The following MYLK3 variants were observed in gnomAD, a reference collection of about 807,000 sequenced individuals.
MYLK3 encodes the protein myosin light chain kinase 3.
Under a neutral mutation model 76.3 loss-of-function variants are expected in MYLK3, and 55 were observed. That is an observed-to-expected ratio of 0.72 (90% confidence interval 0.58 to 0.90). MYLK3 has a LOEUF of 0.90. Ranked by LOEUF, MYLK3 falls within the 40% of genes least tolerant of loss-of-function variation. The pLI is 0.00. For missense variants in MYLK3, 973 were observed against 1,053.6 expected (o/e 0.92, Z 1.06); for synonymous variants, 416 against 425.4 (o/e 0.98, Z 0.27).
rs975146919 is a variant in MYLK3, at chr16:46,706,222, A to G, written c.*1482T>C. The G allele has an allele frequency of 6.6e-6, 1 of 152,060 alleles. No individual in the cohort carries two copies. The highest frequency in any genetic ancestry group is 1.5e-5 in the Non-Finnish European group (1 of 68,036). The allele number at this position is 152,060 out of a possible 1,614,324, so 9.4% of individuals were successfully genotyped here. A position where few individuals can be genotyped will look rare whatever the true frequency, so the allele number is the denominator to read the frequency against. On this transcript the variant is annotated 3_prime_UTR_variant, in exon 13 of 13. Transcript: ENST00000394809. ...CTATCAATAATATAAACAGTCAGTT[A>G]ATACCCATACACACATATGTGTTCG...
At chr16:46,761,068 A>C (rs892923396) in intron 1 of MYLK3, among the ~76,000 whole-genome samples, 1 of 152,154 alleles carries the variant, frequency 6.6e-6, no homozygotes, top group African/African-American at 2.4e-5. Flanking sequence ...AGAGGGAGGC[A>C]AAAAAATTAG....
upstream of MYLK3, among the ~76,000 whole-genome samples, chr16:46,750,389 G>T (rs1453590363): frequency 1.3e-5 from 2 of 150,836 alleles, no homozygotes; most frequent in South Asian, 4.2e-4. Flanking sequence ...AACCAGGCAA[G>T]TCCTGGGTTA....
intron 12 of MYLK3, among the ~76,000 whole-genome samples, chr16:46,708,349 C>G (rs1269503098): frequency 6.6e-6 from 1 of 152,060 alleles, no homozygotes; most frequent in Admixed American, 6.6e-5. Context: ...AGCAATGGGT[C>G]ATGAAATCAA....
At position 46,727,271 on chromosome 16, in the gene MYLK3, G is replaced by T; in HGVS notation, c.1879C>A (p.Leu627Met). The T allele has an allele frequency of 6.2e-7, 1 of 1,614,122 alleles. No homozygotes were observed. Among genetic ancestry groups the T allele is most frequent in the Middle Eastern group, 1.7e-4 (1 of 6,060 alleles). Residue 627 changes from leucine to methionine, a missense_variant, in exon 8 of 13, where the codon CTG (leucine) becomes ATG (methionine). Leu to Met is a conservative substitution (Grantham distance 15). Around this residue, in one of 2 missense-constraint regions of MYLK3, gnomAD observed 332 missense variants for 416.6 expected, o/e 0.80. Transcript: ENST00000394809. The part of the protein sequence containing the change: ...TRQICEGVHY[L>M]HQHYILHLDL... The stretch of plus-strand genomic sequence containing the variant: ...AGGTGCAGGATGTAGTGCTGGTGCA[G>T]GTAATGCACACCCTCACAGATCTGC...
In MYLK3 at chr16:46,729,533, T is replaced by C. The variant is rs1470574871; in HGVS notation, c.1662+61A>G. On this transcript the variant is annotated intron_variant, in intron 6 of 12. Transcript: ENST00000394809. ...GCTCAGCATGGGAGCCTGGGGGCCC[T>C]GAGGGAAGGAAAGGAATCCTGAGGC... The C allele has an allele frequency of 2.7e-6, 4 of 1,481,310 alleles. No individual in the cohort carries two copies. The African/African-American group carries it at 4.2e-5, about 15-fold the overall frequency. The allele number at this position is 1,481,310 out of a possible 1,614,324, so 91.8% of individuals were successfully genotyped here.
intron 1 of MYLK3, among the ~76,000 whole-genome samples, chr16:46,758,298 ACACACACTCTCTCTCTCTCTCT>A (rs1257930573): frequency 5.3e-5 from 3 of 56,162 alleles, no homozygotes; most frequent in African/African-American, 1.6e-4. Flanking sequence ...ACACACACAC[ACACACACTCTCTCTCTCTCTCT>A]CTCTCTCTCT....
At chr16:46,714,953 A>G (rs1029431290) in intron 9 of MYLK3, among the ~76,000 whole-genome samples, 3 of 152,278 alleles carry the variant, frequency 2.0e-5, no homozygotes, top group Admixed American at 2.0e-4. Context: ...AGCATTTGCA[A>G]TTTCTGTGGT....
chr16:46,720,582 A>G (rs1966789246), intron 9 of MYLK3, among the ~76,000 whole-genome samples: 1 of 152,144 alleles, frequency 6.6e-6, no homozygotes, highest in African/African-American at 2.4e-5. Context: ...GTATTTTCTC[A>G]TTTAACCCTC....
At chr16:46,728,968 C>T in intron 7 of MYLK3, 56 bp downstream of exon 7, 7 of 1,306,550 alleles carry the variant, frequency 5.4e-6, no homozygotes, top group Non-Finnish European at 6.7e-6. Flanking sequence ...AGGCTCTAAG[C>T]CCCAGCACTG....
At position 46,726,985 on chromosome 16, in the gene MYLK3, T is replaced by C. The variant is rs1966844037; in HGVS notation, c.1914+251A>G. ...TTTAAAAAAAGTAATCTTAAAGATA[T>C]TTTTAAAGAAGAAAAGCTCATTGTT... On this transcript the variant is annotated intron_variant, in intron 8 of 12. Coordinates refer to ENST00000394809, the MANE Select transcript of MYLK3 (RefSeq NM_182493.3). 3 of 360,536 alleles carry C rather than the reference T, an allele frequency of 8.3e-6. No homozygotes were observed. The South Asian group carries it at 2.7e-4, about 32-fold the overall frequency. 22.3% of individuals were successfully genotyped at this position (360,536 alleles called of 1,614,324 possible). A position where few individuals can be genotyped will look rare whatever the true frequency, so the allele number is the denominator to read the frequency against.
chr16:46,727,732 G>A (rs1025487607), intron 7 of MYLK3, among the ~76,000 whole-genome samples: 8 of 152,158 alleles, frequency 5.3e-5, no homozygotes, highest in Admixed American at 1.3e-4. Flanking sequence ...TCACCATGTC[G>A]GTCAGCCTTG....
At chr16:46,739,963 C>T (rs1174509896) in intron 2 of MYLK3, 94 bp downstream of exon 2, 17 of 872,350 alleles carry the variant, frequency 1.9e-5, no homozygotes, top group Non-Finnish European at 2.9e-5. Context: ...TTGACAGTTG[C>T]CCAGGAATCA....
At chr16:46,750,649 G>A (rs1967111415), upstream of MYLK3, among the ~76,000 whole-genome samples, 1 of 150,800 alleles carries the variant, frequency 6.6e-6, no homozygotes, top group Non-Finnish European at 1.5e-5. Flanking sequence ...AGCCAAGATT[G>A]CGCCACTGCC....
At chr16:46,721,016 A>G in intron 9 of MYLK3, 107 bp downstream of exon 9, 2 of 974,044 alleles carry the variant, frequency 2.1e-6, no homozygotes, top group South Asian at 1.4e-5. Context: ...GCTTTCTTGC[A>G]TCAGTTCCAA....
chr16:46,740,813 A>G (rs1054376983), intron 1 of MYLK3, among the ~76,000 whole-genome samples: 2 of 152,062 alleles, frequency 1.3e-5, no homozygotes, highest in African/African-American at 2.4e-5. Flanking sequence ...CAGCCTCCCA[A>G]AGTGCTGGGA....
chr16:46,733,863 A>G (rs1217739996), intron 3 of MYLK3, among the ~76,000 whole-genome samples: 1 of 152,118 alleles, frequency 6.6e-6, no homozygotes, highest in South Asian at 2.1e-4. Flanking sequence ...AGCTTTGGAT[A>G]AGTCTGGCCT....
chr16:46,757,037 C>T (rs112986464), intron 1 of MYLK3, among the ~76,000 whole-genome samples: 14 of 152,248 alleles, frequency 9.2e-5, no homozygotes, highest in African/African-American at 3.4e-4. Context: ...TCCTCCCAGC[C>T]CAGGCCACCT....
At chr16:46,751,204 A>G (rs1967120129), upstream of MYLK3, among the ~76,000 whole-genome samples, 1 of 151,994 alleles carries the variant, frequency 6.6e-6, no homozygotes, top group Non-Finnish European at 1.5e-5. Context: ...TGAGGCCAGG[A>G]GTTTGAGACC....
intron 8 of MYLK3, among the ~76,000 whole-genome samples, chr16:46,723,939 G>A (rs910887822): frequency 5.8e-4 from 88 of 152,118 alleles, no homozygotes; most frequent in African/African-American, 1.6e-3. Flanking sequence ...GTGAGCCACC[G>A]TGCCCAGACT....
Sources: gnomAD v4.1 joint callset for allele counts (sites outside exome capture counted in the v4.1 genomes callset) on GRCh38, gnomAD v4.1.1 for gene constraint, gnomAD v4.1.1 regional missense constraint, MANE v1.5 for transcripts, NCBI Gene and HGNC (gene_info 2026-07-23, HGNC 2026-07-21) for gene names.